The following LHX9 variants were observed in gnomAD, a reference collection of about 807,000 sequenced individuals.
LHX9 encodes the protein LIM homeobox 9, also known as LIM/homeobox protein Lhx9.
Under a neutral mutation model 36.5 loss-of-function variants are expected in LHX9, and 9 were observed. The observed-to-expected ratio is 0.25, with a 90% CI of 0.15 to 0.43. The LOEUF is 0.43. Ranked by LOEUF, LHX9 falls within the 20% of genes least tolerant of loss-of-function variation. The pLI is 1.00. For synonymous variants in LHX9, 211 were observed against 212.1 expected (o/e 0.99, Z 0.04); for missense variants, 464 against 526.4 (o/e 0.88, Z 1.16).
At chr1:197,928,437 G>T (rs1256956663) in intron 4 of LHX9, among the ~76,000 whole-genome samples, 1 of 152,154 alleles carries the variant, frequency 6.6e-6, no homozygotes. Context: ...CTCACTTCTT[G>T]GTGACAAATA....
At chr1:197,923,039 C>A (rs1660036095) in intron 3 of LHX9, among the ~76,000 whole-genome samples, 1 of 152,214 alleles carries the variant, frequency 6.6e-6, no homozygotes, top group African/African-American at 2.4e-5. Flanking sequence ...TCTCTCAGAC[C>A]TCCGTTGGGC....
rs1660384041 is a variant in LHX9 at position 197,933,694 on chromosome 1, C to T, written c.*4435C>T. 1 of 128,758 alleles carries T rather than the reference C, an allele frequency of 7.8e-6. No individual in the cohort carries two copies. Among genetic ancestry groups the T allele is most frequent in the Admixed American group, 8.1e-5 (1 of 12,340 alleles). 8.0% of individuals were successfully genotyped at this position (128,758 alleles called of 1,614,324 possible). ...GGGAAAGAACATAACTGAAATTAGA[C>T]ATCTGAAAAAAAAATACAAATTTGA... On this transcript the variant is annotated 3_prime_UTR_variant, in exon 5 of 5. Coordinates refer to ENST00000367387, the MANE Select transcript of LHX9 (RefSeq NM_020204.3).
Position 197,930,784 on chromosome 1 carries a change from A to G in LHX9, c.*1525A>G, listed in dbSNP as rs1660308824. ...AAAGTAGCTTATTTTTTAAAAAAAG[A>G]TGATGGAAGATAAGTTAACACTGTA... On this transcript the variant is annotated 3_prime_UTR_variant, in exon 5 of 5. Transcript: ENST00000367387. 2 of 151,970 alleles carry G rather than the reference A, an allele frequency of 1.3e-5. No homozygotes were observed. The highest frequency in any genetic ancestry group is 4.8e-5 in the African/African-American group (2 of 41,434). 9.4% of individuals were successfully genotyped at this position (151,970 alleles called of 1,614,324 possible).
rs1391710743 is a variant in LHX9 at position 197,920,183 on chromosome 1, C to T, written c.377+9C>T. The T allele has an allele frequency of 6.2e-7, 1 of 1,613,650 alleles. No individual in the cohort carries two copies. Among genetic ancestry groups the T allele is most frequent in the Admixed American group, 1.7e-5 (1 of 60,024 alleles). On this transcript the variant is annotated intron_variant, in intron 2 of 4. Coordinates refer to ENST00000367387, the MANE Select transcript of LHX9 (RefSeq NM_020204.3). ...AAGGAGGATTACTACAGGTACTCCC[C>T]TACACCCCCACTTCCTACGCCCGAG... is the stretch of plus-strand genomic sequence containing the variant.
rs1284205138 is a variant in LHX9 at position 197,932,504 on chromosome 1, A to G, written c.*3245A>G. 2 of 152,348 alleles carry G rather than the reference A, an allele frequency of 1.3e-5. No individual in the cohort carries two copies. The highest frequency in any genetic ancestry group is 3.4e-3 in the Middle Eastern group (1 of 294). The allele number at this position is 152,348 out of a possible 1,614,324, so 9.4% of individuals were successfully genotyped here. A position where few individuals can be genotyped will look rare whatever the true frequency, so the allele number is the denominator to read the frequency against. ...ATGCACTTTTACATATGTCACCTCT[A>G]GTGTACACCTCTGTATGATGACTTA... On this transcript the variant is annotated 3_prime_UTR_variant, in exon 5 of 5. Transcript: ENST00000367387.
chr1:197,918,657 A>G (rs962223370), intron 1 of LHX9: 10 of 465,304 alleles, frequency 2.1e-5, no homozygotes, highest in Non-Finnish European at 7.7e-6. Context: ...CACCCAGTCG[A>G]AACGCATGAA....
Position 197,921,681 on chromosome 1 carries a change from C to T in LHX9, c.733+22C>T, listed in dbSNP as rs975400572. The T allele has an allele frequency of 3.3e-5, 51 of 1,526,276 alleles. No homozygotes were observed. The highest frequency in any genetic ancestry group is 1.1e-4 in the Admixed American group (6 of 52,816). The allele number at this position is 1,526,276 out of a possible 1,614,324, so 94.5% of individuals were successfully genotyped here. ...TCAGGTGTGCCTCCTATCCTCACCC[C>T]CGGCGCAGCCCCGGCCTCCCTGAGG... On this transcript the variant is annotated intron_variant, in intron 3 of 4. Transcript: ENST00000367387. The surrounding 1 kb of genome is among the most constrained non-coding windows in gnomAD (Gnocchi z 4.6).
At position 197,917,660 on chromosome 1, in the gene LHX9, C is replaced by T. The variant is rs1271939210; in HGVS notation, c.-164C>T. 6.5e-7 allele frequency: 1 copy of T among 1,529,076 alleles called. No individual in the cohort carries two copies. The highest frequency in any genetic ancestry group is 8.7e-7 in the Non-Finnish European group (1 of 1,143,330). The allele number at this position is 1,529,076 out of a possible 1,614,324, so 94.7% of individuals were successfully genotyped here. On this transcript the variant is annotated 5_prime_UTR_variant, in exon 1 of 5. Coordinates refer to ENST00000367387, the MANE Select transcript of LHX9 (RefSeq NM_020204.3). ...ACTCTTCCCAGTTCTTTTTGCTTCC[C>T]CTCGGCCCCCCAAGCAGACCGATTT...
chr1:197,916,314 C>T (rs974556851), upstream of LHX9: 1 of 242,150 alleles, frequency 4.1e-6, no homozygotes, highest in Admixed American at 5.1e-5. Flanking sequence ...CTTGTCAGTT[C>T]TCACCTTCCC....
At position 197,922,264 on chromosome 1, in the gene LHX9, C is replaced by G. The variant is rs774125186; in HGVS notation, c.733+605C>G. Reference sequence around the variant, plus strand: ...TCCTAAGCCAGGATATTCAACCAGCCGTCTCATTCCCGGTGTGATAGACCA... The same window carrying G: ...TCCTAAGCCAGGATATTCAACCAGCGGTCTCATTCCCGGTGTGATAGACCA... On this transcript the variant is annotated intron_variant, in intron 3 of 4. Coordinates refer to ENST00000367387, the MANE Select transcript of LHX9 (RefSeq NM_020204.3). Among the ~76,000 whole-genome samples, 39 of 152,180 alleles carry G rather than the reference C, an allele frequency of 2.6e-4. 1 individual carries two copies. The highest frequency in any genetic ancestry group is 8.5e-4 in the Admixed American group (13 of 15,286).
At chr1:197,924,943 G>C (rs1660100987) in intron 3 of LHX9, among the ~76,000 whole-genome samples, 1 of 43,948 alleles carries the variant, frequency 2.3e-5, no homozygotes, top group African/African-American at 9.8e-5. Context: ...TTTAGCAATA[G>C]GCCTTGGAGA....
chr1:197,926,672 G>A (rs751308739), intron 3 of LHX9, among the ~76,000 whole-genome samples: 6 of 152,180 alleles, frequency 3.9e-5, no homozygotes, highest in Non-Finnish European at 7.3e-5. Flanking sequence ...GGCCAGCCAG[G>A]GGCACAGCTC....
upstream of LHX9, chr1:197,917,283 A>C (rs933951078): frequency 1.6e-6 from 2 of 1,223,892 alleles, no homozygotes; most frequent in Non-Finnish European, 2.1e-6. Context: ...AATCCGTGGC[A>C]GCTCCGGGGA....
chr1:197,929,251 C>G lies in LHX9; in HGVS notation c.1186C>G (p.Leu396Val), dbSNP rs375493889. Residue 396 changes from leucine (L) to valine (V), a missense_variant, in exon 5 of 5, where the codon CTT becomes GTT. Physicochemically the swap from Leu to Val is conservative, Grantham distance 32. Coordinates refer to ENST00000367387, the MANE Select transcript of LHX9 (RefSeq NM_020204.3). ...GSPSQTTLTN[L>V]F is the part of the protein sequence containing the mutation. Reference sequence around the variant, plus strand: ...CCCCTCACAAACTACCTTAACAAACCTTTTCTAACATTGGTTTTTTTTTTT... The same window carrying G: ...CCCCTCACAAACTACCTTAACAAACGTTTTCTAACATTGGTTTTTTTTTTT... 7.1e-7 allele frequency: 1 copy of G among 1,401,482 alleles called. No individual in the cohort carries two copies. The highest frequency in any genetic ancestry group is 9.3e-7 in the Non-Finnish European group (1 of 1,070,312). 86.8% of individuals were successfully genotyped at this position (1,401,482 alleles called of 1,614,324 possible).
upstream of LHX9, chr1:197,912,587 T>C (rs1659652338): frequency 6.2e-7 from 1 of 1,612,974 alleles, no homozygotes; most frequent in Non-Finnish European, 8.5e-7. Context: ...TTCCTTCTGA[T>C]GTTCTCTGCC....
rs1449769493 is a variant in LHX9 at position 197,931,787 on chromosome 1, T to C, written c.*2528T>C. ...TAAAGTAATTGCATGGAACGAAACCTTAAATATGATTAAGATTTCATGTTA... is the reference window on the plus strand; with the variant it reads ...TAAAGTAATTGCATGGAACGAAACCCTAAATATGATTAAGATTTCATGTTA... On this transcript the variant is annotated 3_prime_UTR_variant, in exon 5 of 5. Coordinates refer to ENST00000367387, the MANE Select transcript of LHX9 (RefSeq NM_020204.3). 8 of 616,064 alleles carry C rather than the reference T, an allele frequency of 1.3e-5. No individual in the cohort carries two copies. The highest frequency in any genetic ancestry group is 2.3e-5 in the Non-Finnish European group (8 of 353,724). The allele number at this position is 616,064 out of a possible 1,614,324, so 38.2% of individuals were successfully genotyped here.
At chr1:197,928,844 T>A (rs1660226578) in intron 4 of LHX9, among the ~76,000 whole-genome samples, 158 bp from the exon 5 acceptor site, 1 of 144,748 alleles carries the variant, frequency 6.9e-6, no homozygotes, top group Admixed American at 6.9e-5. Context: ...AAAAGCCCCT[T>A]TCCTCCTAAG....
chr1:197,919,981 C>G lies in LHX9; in HGVS notation c.184C>G (p.Pro62Ala), dbSNP rs1245565876. Residue 62 changes from proline (P) to alanine (A), a missense_variant, in exon 2 of 5, where the codon CCG becomes GCG. Transcript: ENST00000367387. ...TGTGCTTTCTTTGCAGGGCATGCCC[C>G]CGCTCAGCCCGGAGAAGCCCGCCCT... Reference protein sequence around the residue: ...QLNGRDAGMPPLSPEKPALCA... With the variant: ...QLNGRDAGMPALSPEKPALCA... 1 of 1,614,100 alleles carries G rather than the reference C, an allele frequency of 6.2e-7. No individual in the cohort carries two copies. The highest frequency in any genetic ancestry group is 1.1e-5 in the South Asian group (1 of 91,080).
chr1:197,926,598 G>A (rs1660147436), intron 3 of LHX9, among the ~76,000 whole-genome samples: 1 of 152,180 alleles, frequency 6.6e-6, no homozygotes, highest in Non-Finnish European at 1.5e-5. Context: ...AGACTGGGTT[G>A]TTTTGCCCTT....
Sources: gnomAD v4.1 joint callset for allele counts (sites outside exome capture counted in the v4.1 genomes callset) on GRCh38, gnomAD v4.1.1 for gene constraint, Gnocchi (gnomAD v3.1) non-coding constraint, MANE v1.5 for transcripts, NCBI Gene and HGNC (gene_info 2026-07-23, HGNC 2026-07-21) for gene names.